The following CWF19L2 variants were observed in gnomAD, a reference collection of about 807,000 sequenced individuals.
The protein encoded by CWF19L2 is CWF19 like cell cycle control factor 2, also known as CWF19-like protein 2.
In CWF19L2, 98 loss-of-function variants were observed where a neutral mutation model predicts 111.7. The observed-to-expected ratio is 0.88, with a 90% CI of 0.75 to 1.04. The LOEUF (loss-of-function observed/expected upper bound fraction) is 1.04. Ranked by LOEUF, CWF19L2 falls within the 50% of genes least tolerant of loss-of-function variation. CWF19L2 has a pLI of 0.00. For missense variants in CWF19L2, 1,101 were observed against 1,051.4 expected (o/e 1.05, Z -0.65); for synonymous variants, 351 against 342.9 (o/e 1.02, Z -0.26).
intron 12 of CWF19L2, among the ~76,000 whole-genome samples, chr11:107,360,325 C>A (rs563398613): frequency 6.6e-6 from 1 of 152,150 alleles, no homozygotes; most frequent in Non-Finnish European, 1.5e-5. Context: ...TTCATTCTTT[C>A]TTATGGGTGA....
chr11:107,401,916 G>T (rs1263327323), intron 10 of CWF19L2, among the ~76,000 whole-genome samples: 1 of 152,112 alleles, frequency 6.6e-6, no homozygotes, highest in Non-Finnish European at 1.5e-5. Context: ...AGAGAACCCA[G>T]AAATAAACCC....
At chr11:107,358,630 T>C (rs11212180) in intron 12 of CWF19L2, among the ~76,000 whole-genome samples, 39,305 of 152,204 alleles carry the variant, frequency 0.26, 5,487 homozygotes, top group Non-Finnish European at 0.32. Context: ...TCCATTCATA[T>C]GAAATGTCGA....
chr11:107,369,489 C>A, intron 12 of CWF19L2, among the ~76,000 whole-genome samples: 1 of 136,432 alleles, frequency 7.3e-6, no homozygotes, highest in Non-Finnish European at 1.6e-5. Context: ...AATGACAAAC[C>A]ACGAAAAAAA....
chr11:107,404,552 G>C (rs1320154060), intron 10 of CWF19L2: 12 of 667,836 alleles, frequency 1.8e-5, no homozygotes, highest in Non-Finnish European at 3.3e-5. Context: ...TGCAGGAGCT[G>C]GGGTGGGAGG....
At chr11:107,341,154 C>T (rs1488665267) in intron 14 of CWF19L2, among the ~76,000 whole-genome samples, 1 of 152,150 alleles carries the variant, frequency 6.6e-6, no homozygotes, top group East Asian at 1.9e-4. Flanking sequence ...CATATTTGTG[C>T]TTTTTGTTTT....
intron 6 of CWF19L2, among the ~76,000 whole-genome samples, chr11:107,435,153 C>A (rs899032886): frequency 1.3e-5 from 2 of 152,166 alleles, no homozygotes; most frequent in African/African-American, 4.8e-5. Context: ...TAAGCAATCT[C>A]TCCTAATACG....
intron 12 of CWF19L2, among the ~76,000 whole-genome samples, chr11:107,383,572 A>G (rs895264971): frequency 1.3e-5 from 2 of 152,212 alleles, no homozygotes; most frequent in Admixed American, 6.5e-5. Context: ...AAAACCAAGA[A>G]TCATAATTCC....
chr11:107,409,233 G>A (rs1861124338), intron 10 of CWF19L2, among the ~76,000 whole-genome samples: 1 of 151,944 alleles, frequency 6.6e-6, no homozygotes, highest in Non-Finnish European at 1.5e-5. Flanking sequence ...ATTGAATATG[G>A]TCAAACTACT....
intron 10 of CWF19L2, among the ~76,000 whole-genome samples, chr11:107,415,717 G>A (rs1861215468): frequency 6.6e-6 from 1 of 152,118 alleles, no homozygotes; most frequent in African/African-American, 2.4e-5. Flanking sequence ...GAATGTAAGA[G>A]AATATATAGA....
chr11:107,358,560 T>C (rs749438161), intron 12 of CWF19L2, among the ~76,000 whole-genome samples: 2 of 152,180 alleles, frequency 1.3e-5, no homozygotes, highest in Non-Finnish European at 2.9e-5. Flanking sequence ...ATGGATGATC[T>C]ATAAAAACAT....
chr11:107,418,547 CTCT>C (rs1329914960), intron 8 of CWF19L2, among the ~76,000 whole-genome samples: 4 of 152,128 alleles, frequency 2.6e-5, no homozygotes, highest in African/African-American at 7.2e-5. Flanking sequence ...TACTTATCAA[CTCT>C]TCTTATTTAA....
At chr11:107,452,898 G>C (rs1300335434) in intron 3 of CWF19L2, among the ~76,000 whole-genome samples, 3 of 152,056 alleles carry the variant, frequency 2.0e-5, no homozygotes, top group African/African-American at 7.3e-5. Context: ...GATTGCTTGA[G>C]CCCAGGAGTT....
At chr11:107,364,318 C>A (rs1185787553) in intron 12 of CWF19L2, among the ~76,000 whole-genome samples, 1 of 146,892 alleles carries the variant, frequency 6.8e-6, no homozygotes, top group Non-Finnish European at 1.5e-5. Context: ...CTGCCTCAAG[C>A]GGACCTAATA....
chr11:107,353,529 C>T lies in CWF19L2; in HGVS notation c.2080G>A (p.Val694Ile), dbSNP rs1283941852. Residue 694 changes from valine (V) to isoleucine (I), a missense_variant, in exon 13 of 18, where the codon GTT (valine) becomes ATT (isoleucine). Coordinates refer to ENST00000282251, the MANE Select transcript of CWF19L2 (RefSeq NM_152434.3). ...FPKHLIVAIG[V>I]KVYLCLPNVR... ...GGATAATAAATACTTCTTACCTTAA[C>T]ACCTATTGCAACAATAAGATGCTTG... 1 of 1,611,326 alleles carries T rather than the reference C, an allele frequency of 6.2e-7. No homozygotes were observed. The highest frequency in any genetic ancestry group is 8.5e-7 in the Non-Finnish European group (1 of 1,177,684).
intron 10 of CWF19L2, among the ~76,000 whole-genome samples, chr11:107,402,785 G>A (rs913963835): frequency 6.7e-6 from 1 of 150,078 alleles, no homozygotes; most frequent in African/African-American, 2.5e-5. Context: ...GTACACGCAT[G>A]TTTATTGCAG....
chr11:107,387,205 A>G (rs1419482058), intron 12 of CWF19L2, among the ~76,000 whole-genome samples: 1 of 151,892 alleles, frequency 6.6e-6, no homozygotes, highest in Non-Finnish European at 1.5e-5. Context: ...CTCCCCCAAA[A>G]TTTGTCCCTC....
Position 107,454,468 on chromosome 11 carries a change from C to T in CWF19L2, c.321G>A (p.Glu107=). Residue 107 remains glutamate, a synonymous_variant, in exon 3 of 18, where the codon GAG becomes GAA. Coordinates refer to ENST00000282251, the MANE Select transcript of CWF19L2 (RefSeq NM_152434.3). ...SKKQKYEKNN[E]SSDSSSSSED... is the part of the protein sequence containing the mutation. ...TACTTACTGATGAGCTATCAGATGA[C>T]TCATTGTTTTTTTCATATTTCTGTT... 1 of 1,445,400 alleles carries T rather than the reference C, an allele frequency of 6.9e-7. No homozygotes were observed. The highest frequency in any genetic ancestry group is 1.6e-5 in the South Asian group (1 of 63,774). The allele number at this position is 1,445,400 out of a possible 1,614,324, so 89.5% of individuals were successfully genotyped here. A position where few individuals can be genotyped will look rare whatever the true frequency, so the allele number is the denominator to read the frequency against.
intron 10 of CWF19L2, among the ~76,000 whole-genome samples, chr11:107,413,669 T>C (rs746258915): frequency 2.4e-4 from 37 of 152,230 alleles, no homozygotes; most frequent in Non-Finnish European, 4.4e-4. Flanking sequence ...TGCTTTTTAA[T>C]CCTACTAGTA....
chr11:107,403,294 C>T (rs1861032666), intron 10 of CWF19L2: 1 of 454,814 alleles, frequency 2.2e-6, no homozygotes. Context: ...CTTCAGAGTC[C>T]AGTCATTCTA....
Sources: allele counts gnomAD v4.1 joint callset (sites outside exome capture counted in the v4.1 genomes callset), GRCh38; gene constraint gnomAD v4.1.1; transcripts MANE v1.5; gene names NCBI Gene and HGNC (gene_info 2026-07-23, HGNC 2026-07-21).